EFCAB14: variants seen among roughly 807,000 people sequenced by gnomAD.
EFCAB14 encodes EF-hand calcium-binding domain-containing protein 14.
EFCAB14 carries 43 observed loss-of-function variants against 56.5 expected under a neutral mutation model. The ratio of observed to expected loss-of-function variants is 0.76; its 90% CI spans 0.60 to 0.98. EFCAB14 has a LOEUF of 0.98. Among genes scored for constraint, EFCAB14 ranks in the 50% least tolerant of loss-of-function variants. The pLI is 0.00. For synonymous variants in EFCAB14, 235 were observed against 212.9 expected (o/e 1.10, Z -0.90); for missense variants, 538 against 580.3 (o/e 0.93, Z 0.75).
intron 3 of EFCAB14, among the ~76,000 whole-genome samples, chr1:46,700,421 C>A (rs1179136745): frequency 2.0e-5 from 3 of 152,062 alleles, no homozygotes; most frequent in Non-Finnish European, 4.4e-5. Context: ...GGGTGAGAAA[C>A]CTCAGTCCAC....
intron 3 of EFCAB14, among the ~76,000 whole-genome samples, chr1:46,706,750 G>A (rs1164599159): frequency 6.6e-6 from 1 of 152,012 alleles, no homozygotes; most frequent in Admixed American, 6.6e-5. Flanking sequence ...AAGGACAGAG[G>A]GTAAATACTA....
At chr1:46,692,413 C>T (rs1260553531) in intron 4 of EFCAB14, among the ~76,000 whole-genome samples, 1 of 152,348 alleles carries the variant, frequency 6.6e-6, no homozygotes, top group East Asian at 1.9e-4. Flanking sequence ...TATAAACATT[C>T]GTGTTCAGGT....
intron 3 of EFCAB14, among the ~76,000 whole-genome samples, chr1:46,699,578 T>G (rs912039206): frequency 6.6e-6 from 1 of 152,160 alleles, no homozygotes; most frequent in East Asian, 1.9e-4. Context: ...CTAAGCAGAG[T>G]AGAAGACAGA....
chr1:46,682,917 G>A (rs1676818188), intron 10 of EFCAB14, among the ~76,000 whole-genome samples: 1 of 152,172 alleles, frequency 6.6e-6, no homozygotes, highest in Non-Finnish European at 1.5e-5. Context: ...AGCTACTTGG[G>A]AGGCTGAGGC....
intron 1 of EFCAB14, among the ~76,000 whole-genome samples, chr1:46,717,126 AG>A (rs1677409034): frequency 6.6e-6 from 1 of 152,242 alleles, no homozygotes; most frequent in Non-Finnish European, 1.5e-5. Flanking sequence ...TAACAGCCTT[AG>A]CTGACAAAGC....
chr1:46,698,393 G>T (rs1057299322), intron 3 of EFCAB14, among the ~76,000 whole-genome samples: 22 of 152,172 alleles, frequency 1.4e-4, no homozygotes, highest in African/African-American at 5.3e-4. Context: ...GGATCCTGTG[G>T]TGTTTACATT....
chr1:46,713,797 G>A (rs1176429382), intron 2 of EFCAB14, among the ~76,000 whole-genome samples: 1 of 152,090 alleles, frequency 6.6e-6, no homozygotes, highest in African/African-American at 2.4e-5. Context: ...GGCACAGACA[G>A]GTGTCTTCAG....
At chr1:46,706,472 G>A (rs1677235322) in intron 3 of EFCAB14, among the ~76,000 whole-genome samples, 1 of 152,110 alleles carries the variant, frequency 6.6e-6, no homozygotes, top group Admixed American at 6.5e-5. Context: ...TTACAAGAAC[G>A]AGATGAAAAA....
intron 10 of EFCAB14, among the ~76,000 whole-genome samples, chr1:46,679,347 C>T (rs1473748630): frequency 1.3e-5 from 2 of 152,230 alleles, no homozygotes; most frequent in African/African-American, 4.8e-5. Flanking sequence ...GTCGCCCACG[C>T]TGGAGTGCAG....
chr1:46,693,578 G>A (rs750700449), intron 4 of EFCAB14, among the ~76,000 whole-genome samples: 2 of 152,164 alleles, frequency 1.3e-5, no homozygotes, highest in Non-Finnish European at 2.9e-5. Context: ...AATGCCTGTT[G>A]CAAAAGCTAC....
At chr1:46,693,525 T>TTTGCTATCTATGTAAGCTCTG (rs1269643214) in intron 4 of EFCAB14, among the ~76,000 whole-genome samples, 1 of 152,136 alleles carries the variant, frequency 6.6e-6, no homozygotes, top group African/African-American at 2.4e-5. Context: ...TCTAAGCTGG[T>TTTGCTATCTATGTAAGCTCTG]TTGCTATCTA....
intron 4 of EFCAB14, among the ~76,000 whole-genome samples, chr1:46,694,108 C>A (rs1306532654): frequency 2.6e-5 from 4 of 152,138 alleles, no homozygotes; most frequent in South Asian, 4.2e-4. Context: ...AATGTTAGAC[C>A]TAAAACCATA....
rs767405662 is a variant in EFCAB14, at chr1:46,675,849, T to C, written c.*2612A>G. 6.6e-6 allele frequency: 1 copy of C among 152,190 alleles called. No homozygotes were observed. Among genetic ancestry groups the C allele is most frequent in the African/African-American group, 2.4e-5 (1 of 41,446 alleles). 9.4% of individuals were successfully genotyped at this position (152,190 alleles called of 1,614,324 possible). The stretch of plus-strand genomic sequence containing the variant: ...CTCTTTTAGTAAACATTATACAAGA[T>C]AGTACAAGGCAAAAGAAAACAAGGA... On this transcript the variant is annotated 3_prime_UTR_variant, in exon 11 of 11. Coordinates refer to ENST00000371933, the MANE Select transcript of EFCAB14 (RefSeq NM_014774.3).
At chr1:46,713,786 C>T (rs1376388843) in intron 2 of EFCAB14, among the ~76,000 whole-genome samples, 2 of 152,098 alleles carry the variant, frequency 1.3e-5, no homozygotes, top group Non-Finnish European at 2.9e-5. Flanking sequence ...AGAGAGATGA[C>T]GGCACAGACA....
At chr1:46,703,229 C>A (rs190224386) in intron 3 of EFCAB14, among the ~76,000 whole-genome samples, 2 of 152,164 alleles carry the variant, frequency 1.3e-5, no homozygotes, top group Admixed American at 1.3e-4. Context: ...CCTGCTTTAG[C>A]CTCCCAGGTA....
chr1:46,692,987 C>A (rs1188675268), intron 4 of EFCAB14, among the ~76,000 whole-genome samples: 1 of 152,174 alleles, frequency 6.6e-6, no homozygotes, highest in Non-Finnish European at 1.5e-5. Context: ...CGAGCTAACA[C>A]AGTAGACTGC....
intron 2 of EFCAB14, 53 bp downstream of exon 2, chr1:46,716,242 C>T: frequency 6.8e-7 from 1 of 1,471,972 alleles, no homozygotes. Context: ...GAGCAAGACC[C>T]TGTCTCAAAA....
In EFCAB14 at chr1:46,697,198, G is replaced by A. The variant is rs75589612; in HGVS notation, c.481-549C>T. On this transcript the variant is annotated intron_variant, in intron 3 of 10. Transcript: ENST00000371933. Reference sequence around the variant, plus strand: ...GGATTTGGTTTTGGTTTAAAAATGTGACTAATATTTCAAACTCAATAGCTC... The same window carrying A: ...GGATTTGGTTTTGGTTTAAAAATGTAACTAATATTTCAAACTCAATAGCTC... Among the ~76,000 whole-genome samples, 4 of 152,280 alleles carry A rather than the reference G, an allele frequency of 2.6e-5. No homozygotes were observed. In the East Asian group the frequency reaches 7.7e-4, roughly 29 times the overall value.
chr1:46,681,535 C>A (rs1397142546), intron 10 of EFCAB14, among the ~76,000 whole-genome samples: 1 of 152,144 alleles, frequency 6.6e-6, no homozygotes, highest in Non-Finnish European at 1.5e-5. Flanking sequence ...TGAATAGGGC[C>A]CTACTCTCAC....
Sources: gnomAD v4.1 joint callset for allele counts (sites outside exome capture counted in the v4.1 genomes callset) on GRCh38, gnomAD v4.1.1 for gene constraint, MANE v1.5 for transcripts, NCBI Gene and HGNC (gene_info 2026-07-23, HGNC 2026-07-21) for gene names.